Variants in ACOXL observed in about 807,000 individuals in gnomAD.
ACOXL encodes acyl-coenzyme A oxidase-like protein.
In ACOXL, 70 loss-of-function variants were observed where a neutral mutation model predicts 71.9. The ratio of observed to expected loss-of-function variants is 0.97; its 90% CI spans 0.80 to 1.19. ACOXL has a LOEUF of 1.19. Ranked by LOEUF, ACOXL falls within the 50% of genes most tolerant of loss-of-function variation. ACOXL has a pLI of 0.00. For missense variants in ACOXL, 703 were observed against 736.3 expected (o/e 0.95, Z 0.52); for synonymous variants, 253 against 281.6 (o/e 0.90, Z 1.02).
At chr2:110,811,727 GCATACA>G (rs1339607508) in intron 9 of ACOXL, among the ~76,000 whole-genome samples, 46 of 29,336 alleles carry the variant, frequency 1.6e-3, no homozygotes, top group African/African-American at 3.6e-3. Context: ...TGTTTTTTTT[GCATACA>G]CACACACACA....
Position 110,886,829 on chromosome 2 carries a change from T to C in ACOXL, c.789-21960T>C, listed in dbSNP as rs1206127859. The C allele has an allele frequency of 2.6e-6, 4 of 1,550,978 alleles. No homozygotes were observed. The African/African-American group carries it at 4.1e-5, about 16-fold the overall frequency. On this transcript the variant is annotated intron_variant, in intron 10 of 17. Transcript: ENST00000439055. The stretch of plus-strand genomic sequence containing the variant: ...GCTGTTCAGCTCCAGCTGGTCTTTA[T>C]TGAGCCCCTCTTGTGGACCAGGCTA...
At chr2:110,933,379 C>T (rs1335808026) in intron 11 of ACOXL, 110 bp from the exon 12 acceptor site, 1 of 1,316,514 alleles carries the variant, frequency 7.6e-7, no homozygotes, top group East Asian at 2.4e-5. Context: ...GCATCACTGA[C>T]ATCATATTCT....
chr2:110,835,201 T>C (rs893477281), intron 9 of ACOXL, among the ~76,000 whole-genome samples: 14 of 152,230 alleles, frequency 9.2e-5, no homozygotes, highest in African/African-American at 3.4e-4. Context: ...AGCCTACATA[T>C]TATATTTATC....
At chr2:110,783,174 T>C (rs934797010) in intron 2 of ACOXL, among the ~76,000 whole-genome samples, 1 of 152,212 alleles carries the variant, frequency 6.6e-6, no homozygotes, top group African/African-American at 2.4e-5. Flanking sequence ...TCCTGTCTGT[T>C]ACATGGGGTC....
intron 13 of ACOXL, among the ~76,000 whole-genome samples, chr2:110,987,441 G>A (rs187186191): frequency 6.6e-6 from 1 of 152,258 alleles, no homozygotes; most frequent in Admixed American, 6.5e-5. Context: ...TTTATTTCAT[G>A]TTCACTGTTC....
chr2:111,040,642 A>C (rs1040533121), intron 15 of ACOXL, among the ~76,000 whole-genome samples: 1 of 152,206 alleles, frequency 6.6e-6, no homozygotes, highest in African/African-American at 2.4e-5. Flanking sequence ...CAGGGGGTGC[A>C]GGGTCCACGC....
intron 13 of ACOXL, among the ~76,000 whole-genome samples, chr2:110,995,499 C>CAAAAAAA (rs567318996): frequency 0.071 from 4,748 of 67,192 alleles, 1,384 homozygotes; most frequent in East Asian, 0.21. Context: ...GACTCTGTCT[C>CAAAAAAA]AAAAAAAAAA....
chr2:110,796,118 C>G (rs1685251737), intron 5 of ACOXL: 1 of 151,520 alleles, frequency 6.6e-6, no homozygotes, highest in African/African-American at 2.4e-5. Context: ...CCTTCATTTC[C>G]CTTTCAAAAT....
intron 14 of ACOXL, among the ~76,000 whole-genome samples, chr2:111,001,582 G>C: frequency 6.6e-6 from 1 of 152,132 alleles, no homozygotes; most frequent in Non-Finnish European, 1.5e-5. Flanking sequence ...TGCTCAACTG[G>C]ATGTCAGAAT....
chr2:110,768,492 TTG>T (rs57292148), intron 2 of ACOXL, 28 bp downstream of exon 2: 17,718 of 1,216,308 alleles, frequency 0.015, 1 homozygote, highest in Admixed American at 0.016. Context: ...TCTGGTATGG[TTG>T]TGTGTGTGTG....
intron 2 of ACOXL, among the ~76,000 whole-genome samples, chr2:110,774,785 C>G (rs945994975): frequency 5.9e-5 from 9 of 152,128 alleles, no homozygotes; most frequent in Non-Finnish European, 1.3e-4. Flanking sequence ...TATCAAAATC[C>G]CAAAGATGAT....
intron 10 of ACOXL, among the ~76,000 whole-genome samples, chr2:110,843,701 C>A (rs1691458168): frequency 6.6e-6 from 1 of 152,232 alleles, no homozygotes; most frequent in Non-Finnish European, 1.5e-5. Context: ...ACGTTCTGTG[C>A]TCTGCTCTCC....
intron 14 of ACOXL, among the ~76,000 whole-genome samples, chr2:111,025,612 G>T (rs966719555): frequency 1.3e-5 from 2 of 152,154 alleles, no homozygotes; most frequent in African/African-American, 4.8e-5. Flanking sequence ...CTTCTTTGGT[G>T]AAGTGTGTGT....
chr2:110,910,623 T>C (rs2059618723), intron 11 of ACOXL, among the ~76,000 whole-genome samples: 2 of 152,230 alleles, frequency 1.3e-5, no homozygotes, highest in African/African-American at 4.8e-5. Flanking sequence ...GTTTCAGTTC[T>C]TTCTTAATCA....
At chr2:110,799,885 TCACCAATCAGCGCTCTGTAAAATG>T (rs1685746240) in intron 7 of ACOXL, among the ~76,000 whole-genome samples, 1 of 152,044 alleles carries the variant, frequency 6.6e-6, no homozygotes. Context: ...TCTGTAAAAC[TCACCAATCAGCGCTCTGTAAAATG>T]CACCAATCAG....
chr2:110,972,936 C>T (rs323650), intron 12 of ACOXL, among the ~76,000 whole-genome samples: 152,349 of 152,380 alleles, frequency 1, 76,159 homozygotes, highest in Non-Finnish European at 1. Context: ...AGAAAGCACA[C>T]GTTCAGCATA....
intron 3 of ACOXL, among the ~76,000 whole-genome samples, chr2:110,792,985 C>T (rs1488610144): frequency 6.6e-6 from 1 of 152,170 alleles, no homozygotes; most frequent in Non-Finnish European, 1.5e-5. Context: ...TCCCAATTTC[C>T]CATGTTAAAT....
intron 9 of ACOXL, among the ~76,000 whole-genome samples, chr2:110,830,199 A>G (rs1689650199): frequency 1.3e-5 from 2 of 152,248 alleles, no homozygotes; most frequent in South Asian, 2.1e-4. Context: ...ACATTAGAGA[A>G]GAGAATAAAA....
At chr2:110,802,286 T>A (rs1686103191) in intron 8 of ACOXL, among the ~76,000 whole-genome samples, 1 of 152,206 alleles carries the variant, frequency 6.6e-6, no homozygotes, top group Non-Finnish European at 1.5e-5. Context: ...TAAGGCACCA[T>A]CTTTCAGCTT....
Sources: gnomAD v4.1 joint callset for allele counts (sites outside exome capture counted in the v4.1 genomes callset) on GRCh38, gnomAD v4.1.1 for gene constraint, MANE v1.5 for transcripts, NCBI Gene and HGNC (gene_info 2026-07-23, HGNC 2026-07-21) for gene names.